The following GAB2 variants were observed in gnomAD, a reference collection of about 807,000 sequenced individuals.
GAB2 encodes GRB2-associated-binding protein 2.
GAB2 carries 26 observed loss-of-function variants against 65.5 expected under a neutral mutation model. The ratio of observed to expected loss-of-function variants is 0.40; its 90% CI spans 0.29 to 0.55. The LOEUF (loss-of-function observed/expected upper bound fraction) is 0.55, where lower values mean the gene tolerates loss of function less well. Among genes scored for constraint, GAB2 ranks in the 20% least tolerant of loss-of-function variants. The pLI is 0.53. For missense variants in GAB2, 884 were observed against 875.8 expected (o/e 1.01, Z -0.12); for synonymous variants, 321 against 329.6 (o/e 0.97, Z 0.28).
intron 1 of GAB2, among the ~76,000 whole-genome samples, chr11:78,376,902 T>C (rs138281366): frequency 2.0e-5 from 3 of 152,298 alleles, no homozygotes; most frequent in Non-Finnish European, 2.9e-5. Context: ...GGAAGGTGTT[T>C]AGATCATGGG....
intron 1 of GAB2, among the ~76,000 whole-genome samples, chr11:78,412,372 T>C (rs768034433): frequency 2.6e-5 from 4 of 152,138 alleles, no homozygotes; most frequent in Non-Finnish European, 5.9e-5. Flanking sequence ...GAAATGAGGA[T>C]GAATCTCCAG....
At chr11:78,287,649 A>ATT (rs368184721) in intron 1 of GAB2, among the ~76,000 whole-genome samples, 3,039 of 136,710 alleles carry the variant, frequency 0.022, 96 homozygotes, top group East Asian at 0.074. Flanking sequence ...TGCTCTTATC[A>ATT]TTTTTTTTTT....
rs546506542 is a variant in GAB2 at position 78,326,436 on chromosome 11, G to T, written c.76-45535C>A. ...AGGAAATGACATACAGTGGTTGCAGGTTAATAGGATAACAGTAAACCCTAC... is the reference window on the plus strand; with the variant it reads ...AGGAAATGACATACAGTGGTTGCAGTTTAATAGGATAACAGTAAACCCTAC... On this transcript the variant is annotated intron_variant, in intron 1 of 9. Transcript: ENST00000361507. Among the ~76,000 whole-genome samples, 5 of 152,238 alleles carry T rather than the reference G, an allele frequency of 3.3e-5. No individual in the cohort carries two copies. The South Asian group carries it at 1.0e-3, about 32-fold the overall frequency.
chr11:78,394,296 C>A (rs1186108044), intron 1 of GAB2, among the ~76,000 whole-genome samples: 6 of 151,468 alleles, frequency 4.0e-5, no homozygotes, highest in Admixed American at 6.6e-5. Context: ...TCAAAAAAAA[C>A]ACCAAAAAAC....
chr11:78,318,386 A>AAAAAAAAAAAAAAAAAAAAAAAAAC (rs1855657644), intron 1 of GAB2, among the ~76,000 whole-genome samples: 1 of 146,698 alleles, frequency 6.8e-6, no homozygotes, highest in African/African-American at 2.5e-5. Flanking sequence ...AAAAAAAAAA[A>AAAAAAAAAAAAAAAAAAAAAAAAAC]GCTGTGAAAA....
intron 1 of GAB2, among the ~76,000 whole-genome samples, chr11:78,300,707 T>TTTTTTTTG (rs1866991547): frequency 6.9e-6 from 1 of 145,206 alleles, no homozygotes; most frequent in African/African-American, 2.6e-5. Flanking sequence ...TTTTTTTTTT[T>TTTTTTTTG]TTTTTGAGAC....
Position 78,300,695 on chromosome 11 carries a change from G to GTTTT in GAB2, c.76-19798_76-19795dup, listed in dbSNP as rs769243672. Among the ~76,000 whole-genome samples the GTTTT allele has an allele frequency of 3.8e-4, 43 of 113,254 alleles. 2 individuals carry two copies. Among genetic ancestry groups the GTTTT allele is most frequent in the South Asian group, 2.2e-3 (7 of 3,134 alleles). The allele number at this position is 113,254 out of a possible 152,430, so 74.3% of individuals were successfully genotyped here. On this transcript the variant is annotated intron_variant, in intron 1 of 9. Coordinates refer to ENST00000361507, the MANE Select transcript of GAB2 (RefSeq NM_080491.3). ...TGGTTTTTTTTTTTGGTTTTTTTTT[G>GTTTT]TTTTTTTTTTTTTTTTTGAGACAGA...
intron 1 of GAB2, among the ~76,000 whole-genome samples, chr11:78,315,301 T>G (rs1208279067): frequency 1.3e-5 from 2 of 152,210 alleles, no homozygotes; most frequent in Non-Finnish European, 2.9e-5. Flanking sequence ...TTTAATGTCT[T>G]TGAACTGCCA....
At chr11:78,298,977 A>G (rs1193840109) in intron 1 of GAB2, among the ~76,000 whole-genome samples, 1 of 152,212 alleles carries the variant, frequency 6.6e-6, no homozygotes, top group Non-Finnish European at 1.5e-5. Flanking sequence ...AATGTGCATC[A>G]GAATCACTAA....
chr11:78,307,752 T>C (rs1027522634), intron 1 of GAB2, among the ~76,000 whole-genome samples: 4 of 152,188 alleles, frequency 2.6e-5, no homozygotes, highest in African/African-American at 7.2e-5. Flanking sequence ...TGGAATAAAG[T>C]GTATGAGTTA....
intron 1 of GAB2, among the ~76,000 whole-genome samples, chr11:78,300,729 C>G (rs1866993783): frequency 7.5e-6 from 1 of 133,176 alleles, no homozygotes; most frequent in Non-Finnish European, 1.5e-5. Context: ...GAGCCTCACT[C>G]TGTTGCCCAG....
At chr11:78,329,946 C>G (rs1191292988) in intron 1 of GAB2, among the ~76,000 whole-genome samples, 1 of 152,204 alleles carries the variant, frequency 6.6e-6, no homozygotes, top group Non-Finnish European at 1.5e-5. Flanking sequence ...TCATATAAGA[C>G]TGGTAAGGTG....
At chr11:78,329,429 T>C (rs1305802086) in intron 1 of GAB2, among the ~76,000 whole-genome samples, 1 of 152,208 alleles carries the variant, frequency 6.6e-6, no homozygotes, top group African/African-American at 2.4e-5. Context: ...GCATTTATAA[T>C]ATCACTTTGT....
chr11:78,237,985 C>G (rs1453776949), intron 3 of GAB2, among the ~76,000 whole-genome samples: 1 of 152,092 alleles, frequency 6.6e-6, no homozygotes, highest in Non-Finnish European at 1.5e-5. Flanking sequence ...AATGAGAACA[C>G]ATGGACACCT....
intron 3 of GAB2, among the ~76,000 whole-genome samples, chr11:78,245,688 G>A (rs539530709): frequency 1.0e-3 from 155 of 152,174 alleles, no homozygotes; most frequent in African/African-American, 3.5e-3. Context: ...AAGTTAAAAC[G>A]GAAAAATAAT....
chr11:78,416,119 G>T lies in GAB2; in HGVS notation c.75+1527C>A, dbSNP rs569122248. Among the ~76,000 whole-genome samples, 55 of 152,064 alleles carry T rather than the reference G, an allele frequency of 3.6e-4. 1 individual carries two copies. Among genetic ancestry groups the T allele is most frequent in the African/African-American group, 1.3e-3 (52 of 41,456 alleles). ...AAATATTCAACCTTCCTAACGAACT[G>T]ATACAACCCTGAAGAGGAAAAAAGT... On this transcript the variant is annotated intron_variant, in intron 1 of 9. Coordinates refer to ENST00000361507, the MANE Select transcript of GAB2 (RefSeq NM_080491.3).
At chr11:78,222,358 T>C (rs1337109231) in intron 6 of GAB2, among the ~76,000 whole-genome samples, 163 bp from the exon 7 acceptor site, 3 of 152,176 alleles carry the variant, frequency 2.0e-5, no homozygotes, top group Non-Finnish European at 4.4e-5. Context: ...TTTGCCCATA[T>C]TGATGAGCCT....
chr11:78,264,382 G>A (rs540589760), intron 2 of GAB2, among the ~76,000 whole-genome samples: 1 of 148,516 alleles, frequency 6.7e-6, no homozygotes, highest in Admixed American at 6.8e-5. Flanking sequence ...CATTGTGAAA[G>A]GAATTTTTTA....
intron 2 of GAB2, among the ~76,000 whole-genome samples, chr11:78,259,676 A>G (rs140021083): frequency 6.6e-6 from 1 of 152,304 alleles, no homozygotes; most frequent in East Asian, 1.9e-4. Flanking sequence ...CTCACATAAT[A>G]TAGCAATTGG....
Sources: gnomAD v4.1 joint callset for allele counts (sites outside exome capture counted in the v4.1 genomes callset) on GRCh38, gnomAD v4.1.1 for gene constraint, MANE v1.5 for transcripts, NCBI Gene and HGNC (gene_info 2026-07-23, HGNC 2026-07-21) for gene names.